CADM2: variants seen among roughly 807,000 people sequenced by gnomAD.
CADM2 encodes cell adhesion molecule 2, also known as immunoglobulin superfamily member 4D.
Under a neutral mutation model 49.8 loss-of-function variants are expected in CADM2, and 12 were observed. The ratio of observed to expected loss-of-function variants is 0.24; its 90% CI spans 0.15 to 0.39. The LOEUF is 0.39. CADM2 is among the 10% of genes least tolerant of loss of function. CADM2 has a pLI of 1.00. For missense variants in CADM2, 378 were observed against 492.3 expected (o/e 0.77, Z 2.20); for synonymous variants, 214 against 175.4 (o/e 1.22, Z -1.74).
chr3:85,470,038 A>T (rs1176051616), intron 1 of CADM2, among the ~76,000 whole-genome samples: 3 of 152,152 alleles, frequency 2.0e-5, no homozygotes, highest in Non-Finnish European at 4.4e-5. Context: ...AATACTGGAG[A>T]GTGGTTTAAT....
intron 7 of CADM2, among the ~76,000 whole-genome samples, chr3:85,952,314 C>G (rs1296169503): frequency 1.3e-5 from 2 of 150,760 alleles, no homozygotes; most frequent in African/African-American, 4.9e-5. Flanking sequence ...ACTGTATTGC[C>G]TTTTCTTATT....
chr3:86,004,800 A>T (rs759691025), intron 8 of CADM2, among the ~76,000 whole-genome samples: 1 of 152,202 alleles, frequency 6.6e-6, no homozygotes, highest in Non-Finnish European at 1.5e-5. Flanking sequence ...AAACCTATCA[A>T]TGTCTTGTGA....
At chr3:85,996,816 A>G (rs1420065351) in intron 8 of CADM2, among the ~76,000 whole-genome samples, 1 of 152,178 alleles carries the variant, frequency 6.6e-6, no homozygotes, top group Non-Finnish European at 1.5e-5. Flanking sequence ...TAGTTATTTT[A>G]ATGGCTTTTC....
chr3:85,281,225 TG>T (rs1365260476), intron 1 of CADM2, among the ~76,000 whole-genome samples: 1 of 151,886 alleles, frequency 6.6e-6, no homozygotes, highest in Non-Finnish European at 1.5e-5. Flanking sequence ...AGCAAAATAA[TG>T]GAGAAGTGTT....
At chr3:85,143,097 A>G (rs899902801) in intron 1 of CADM2, among the ~76,000 whole-genome samples, 1 of 152,212 alleles carries the variant, frequency 6.6e-6, no homozygotes, top group Non-Finnish European at 1.5e-5. Context: ...CAAACAGGCA[A>G]GAGATGACAA....
At chr3:86,009,061 A>G (rs13340105) in intron 8 of CADM2, among the ~76,000 whole-genome samples, 5,873 of 149,578 alleles carry the variant, frequency 0.039, 368 homozygotes, top group African/African-American at 0.14. Flanking sequence ...ATTGAAACTT[A>G]CAAGTTTAAT....
chr3:85,657,445 G>A lies in CADM2; in HGVS notation c.62-69077G>A, dbSNP rs576374174. 2.7e-3 allele frequency among the ~76,000 whole-genome samples: 412 copies of A among 152,040 alleles called. 1 individual carries two copies. The highest frequency in any genetic ancestry group is 4.5e-3 in the Non-Finnish European group (308 of 67,936). On this transcript the variant is annotated intron_variant, in intron 1 of 9. Coordinates refer to ENST00000383699, the MANE Select transcript of CADM2 (RefSeq NM_001167675.2). ...ATTGATCTTCTAGTTATAAGCCACA[G>A]AAATCTTAGTCAAATTACCATGAGA...
chr3:85,819,576 C>T (rs2073424680), intron 3 of CADM2, among the ~76,000 whole-genome samples: 1 of 151,964 alleles, frequency 6.6e-6, no homozygotes, highest in African/African-American at 2.4e-5. Flanking sequence ...CTTAAAGCTC[C>T]CTACCATCCA....
intron 7 of CADM2, among the ~76,000 whole-genome samples, chr3:85,956,219 G>A (rs532491988): frequency 5.3e-5 from 8 of 151,624 alleles, no homozygotes; most frequent in Admixed American, 4.6e-4. Flanking sequence ...AGAAACTGTA[G>A]ACTGGAACCA....
intron 1 of CADM2, among the ~76,000 whole-genome samples, chr3:85,418,207 A>G (rs1376017111): frequency 2.7e-5 from 3 of 111,726 alleles, no homozygotes; most frequent in African/African-American, 8.4e-5. Flanking sequence ...TAATAAAGTA[A>G]TGGTAGCTAC....
At chr3:85,128,393 A>T (rs978072739) in intron 1 of CADM2, among the ~76,000 whole-genome samples, 1 of 152,290 alleles carries the variant, frequency 6.6e-6, no homozygotes, top group Non-Finnish European at 1.5e-5. Context: ...GTTGTATTTA[A>T]TTTTTTGTTT....
At chr3:85,077,542 A>G (rs2107490936) in intron 1 of CADM2, among the ~76,000 whole-genome samples, 1 of 152,112 alleles carries the variant, frequency 6.6e-6, no homozygotes, top group East Asian at 1.9e-4. Flanking sequence ...ATTCTTGTAA[A>G]CCCAAACTAT....
chr3:85,878,465 T>G (rs1418116235), intron 3 of CADM2, among the ~76,000 whole-genome samples: 1 of 152,098 alleles, frequency 6.6e-6, no homozygotes, highest in Non-Finnish European at 1.5e-5. Flanking sequence ...ATAAGTTGAA[T>G]TGATTGAAAT....
chr3:85,141,661 A>AT (rs1438267807), intron 1 of CADM2, among the ~76,000 whole-genome samples: 6 of 152,166 alleles, frequency 3.9e-5, no homozygotes, highest in Admixed American at 2.6e-4. Context: ...TAATTCTGGC[A>AT]TTTTTTATGA....
chr3:85,949,193 A>G (rs1380295534), intron 7 of CADM2, among the ~76,000 whole-genome samples: 2 of 151,436 alleles, frequency 1.3e-5, no homozygotes, highest in African/African-American at 4.8e-5. Context: ...ATCAATTTAT[A>G]TGACTTTTTT....
At chr3:85,044,128 A>C (rs2035555508) in intron 1 of CADM2, among the ~76,000 whole-genome samples, 2 of 152,100 alleles carry the variant, frequency 1.3e-5, no homozygotes, top group Non-Finnish European at 2.9e-5. Context: ...TGCCAACCAA[A>C]ACATCTGTCC....
intron 1 of CADM2, among the ~76,000 whole-genome samples, chr3:85,569,723 A>AG: frequency 6.6e-6 from 1 of 151,836 alleles, no homozygotes. Context: ...AAGAAAAAAA[A>AG]AAGAAAATAG....
chr3:85,292,343 G>A (rs2043823298), intron 1 of CADM2, among the ~76,000 whole-genome samples: 1 of 150,874 alleles, frequency 6.6e-6, no homozygotes, highest in Admixed American at 6.6e-5. Flanking sequence ...AATAGTGGGA[G>A]ACTTTAACAC....
chr3:85,956,552 C>A (rs575408272), intron 7 of CADM2, among the ~76,000 whole-genome samples: 1 of 151,458 alleles, frequency 6.6e-6, no homozygotes, highest in African/African-American at 2.4e-5. Context: ...AGACTAGGAT[C>A]AAGAATTCTT....
Sources: gnomAD v4.1 joint callset for allele counts (sites outside exome capture counted in the v4.1 genomes callset) on GRCh38, gnomAD v4.1.1 for gene constraint, MANE v1.5 for transcripts, NCBI Gene and HGNC (gene_info 2026-07-23, HGNC 2026-07-21) for gene names.